Variants in CLVS1 observed in about 807,000 individuals in gnomAD.
The protein encoded by CLVS1 is clavesin 1.
CLVS1 carries 10 observed loss-of-function variants against 33.1 expected under a neutral mutation model. The observed-to-expected ratio is 0.30, with a 90% CI of 0.19 to 0.51. CLVS1 has a LOEUF of 0.51. Among genes scored for constraint, CLVS1 ranks in the 20% least tolerant of loss-of-function variants. The probability of loss-of-function intolerance (pLI) is 0.97; values close to 1 mark genes in which losing one functional copy is unlikely to be tolerated. For synonymous variants in CLVS1, 163 were observed against 166.1 expected (o/e 0.98, Z 0.14); for missense variants, 343 against 433.4 (o/e 0.79, Z 1.85).
chr8:61,117,983 C>A (rs968853046), intron 1 of CLVS1, among the ~76,000 whole-genome samples: 1 of 152,198 alleles, frequency 6.6e-6, no homozygotes, highest in African/African-American at 2.4e-5. Flanking sequence ...TAGACTTCGG[C>A]TGTGAATCCA....
chr8:61,456,163 A>G (rs548880728), intron 4 of CLVS1, among the ~76,000 whole-genome samples: 1 of 152,288 alleles, frequency 6.6e-6, no homozygotes, highest in Non-Finnish European at 1.5e-5. Flanking sequence ...CTTTGGGCAC[A>G]GGATAGATTC....
chr8:61,188,934 A>C (rs1016968414), intron 2 of CLVS1, among the ~76,000 whole-genome samples: 2 of 152,156 alleles, frequency 1.3e-5, no homozygotes, highest in African/African-American at 2.4e-5. Flanking sequence ...GATAAATTAC[A>C]TTTGCAGAAT....
chr8:61,359,973 G>A (rs550106034), intron 2 of CLVS1, among the ~76,000 whole-genome samples: 36 of 152,190 alleles, frequency 2.4e-4, no homozygotes, highest in Non-Finnish European at 4.0e-4. Context: ...ACCTGCTATC[G>A]GCATGGCCCT....
At chr8:61,297,349 G>A (rs1585765435) in intron 1 of CLVS1, among the ~76,000 whole-genome samples, 2 of 152,266 alleles carry the variant, frequency 1.3e-5, no homozygotes, top group African/African-American at 4.8e-5. Flanking sequence ...AAACAGATGA[G>A]TAGTGATGCA....
chr8:61,215,768 A>G (rs1249085616), intron 2 of CLVS1, among the ~76,000 whole-genome samples: 1 of 150,860 alleles, frequency 6.6e-6, no homozygotes, highest in East Asian at 1.9e-4. Flanking sequence ...TAAAGGTTTC[A>G]AAGTCACTGC....
intron 2 of CLVS1, among the ~76,000 whole-genome samples, chr8:61,145,847 T>C (rs1431014849): frequency 6.6e-6 from 1 of 152,170 alleles, no homozygotes; most frequent in Non-Finnish European, 1.5e-5. Flanking sequence ...TCTCCATGCA[T>C]TTGATCTCAT....
chr8:61,380,639 A>G (rs1326045123), intron 3 of CLVS1, among the ~76,000 whole-genome samples: 1 of 152,194 alleles, frequency 6.6e-6, no homozygotes, highest in Non-Finnish European at 1.5e-5. Context: ...TATAAAGTCT[A>G]AAAGAGCCGT....
At chr8:61,194,592 A>G (rs1464595694) in intron 2 of CLVS1, among the ~76,000 whole-genome samples, 1 of 152,016 alleles carries the variant, frequency 6.6e-6, no homozygotes, top group East Asian at 1.9e-4. Context: ...GGAAATAGAT[A>G]AATAAATATC....
chr8:61,444,045 A>G (rs1816666417), intron 3 of CLVS1, among the ~76,000 whole-genome samples: 1 of 152,170 alleles, frequency 6.6e-6, no homozygotes, highest in Admixed American at 6.5e-5. Context: ...TTGTTGGTAT[A>G]GAGAAATATA....
chr8:61,151,727 G>A (rs1187753347), intron 2 of CLVS1, among the ~76,000 whole-genome samples: 2 of 152,196 alleles, frequency 1.3e-5, no homozygotes, highest in Non-Finnish European at 2.9e-5. Flanking sequence ...TTCACCCAGG[G>A]CCTTGCACAG....
At chr8:61,461,495 G>A (rs1817363925) in intron 5 of CLVS1, among the ~76,000 whole-genome samples, 1 of 152,016 alleles carries the variant, frequency 6.6e-6, no homozygotes, top group South Asian at 2.1e-4. Context: ...GTTTATTTTG[G>A]TACAAAAATT....
chr8:61,255,573 C>G (rs1441330002), intron 2 of CLVS1, among the ~76,000 whole-genome samples: 1 of 152,134 alleles, frequency 6.6e-6, no homozygotes, highest in Non-Finnish European at 1.5e-5. Context: ...GTTATTCTAT[C>G]TCCTTTATGA....
chr8:61,261,975 CGTGTGTGTGTGTGTGTGTGTGT>C (rs57278209), intron 2 of CLVS1, among the ~76,000 whole-genome samples: 5 of 110,964 alleles, frequency 4.5e-5, no homozygotes, highest in African/African-American at 1.0e-4. Flanking sequence ...CTCATTGCTG[CGTGTGTGTGTGTGTGTGTGTGT>C]GTGTGTGTGT....
chr8:61,286,673 G>T (rs576062633), upstream of CLVS1, among the ~76,000 whole-genome samples: 1 of 152,212 alleles, frequency 6.6e-6, no homozygotes, highest in East Asian at 1.9e-4. Flanking sequence ...ATAATACTAT[G>T]TTAGAGTTGG....
At chr8:61,047,881 A>G in the CLVS1 span, among the ~76,000 whole-genome samples, 1 of 152,160 alleles carries the variant, frequency 6.6e-6, no homozygotes, top group Non-Finnish European at 1.5e-5. Context: ...AGCATGGCAC[A>G]TGTATACATA....
At chr8:61,243,560 A>G (rs1385019581) in intron 2 of CLVS1, among the ~76,000 whole-genome samples, 1 of 152,228 alleles carries the variant, frequency 6.6e-6, no homozygotes, top group Non-Finnish European at 1.5e-5. Context: ...AGCCAGAAAC[A>G]TGAGTAACTT....
chr8:61,255,805 C>T (rs557932160), intron 2 of CLVS1, among the ~76,000 whole-genome samples: 45 of 152,196 alleles, frequency 3.0e-4, no homozygotes, highest in Admixed American at 1.4e-3. Flanking sequence ...AAGAAGTAGG[C>T]CTTACTGAAT....
chr8:61,492,676 T>A lies in CLVS1; in HGVS notation c.978-6779T>A, dbSNP rs189532933. ...ACTCTAAAAATAGTTTGCTTCAAAA[T>A]AATAGAATATTTATTTTTTTGGACT... is the stretch of plus-strand genomic sequence containing the variant. On this transcript the variant is annotated intron_variant, in intron 5 of 5. Transcript: ENST00000325897. 2.3e-3 allele frequency among the ~76,000 whole-genome samples: 349 copies of A among 152,324 alleles called. 2 individuals carry two copies. Among genetic ancestry groups the A allele is most frequent in the African/African-American group, 7.9e-3 (328 of 41,578 alleles).
rs183898050 is a variant in CLVS1 at position 61,081,491 on chromosome 8, G to T, written c.-243+24261G>T. ...GATGGCCCCACCTCTGACTGATTCA[G>T]TTAGGGAGGATTGCTGCAGGATTTT... On this transcript the variant is annotated intron_variant, in intron 1 of 2. Coordinates refer to the CLVS1 transcript ENST00000522621. Among the ~76,000 whole-genome samples the T allele has an allele frequency of 1.1e-3, 173 of 152,320 alleles. 1 individual carries two copies. The highest frequency in any genetic ancestry group is 4.0e-3 in the African/African-American group (168 of 41,568).
Sources: allele counts gnomAD v4.1 joint callset (sites outside exome capture counted in the v4.1 genomes callset), GRCh38; gene constraint gnomAD v4.1.1; transcripts MANE v1.5; gene names NCBI Gene and HGNC (gene_info 2026-07-23, HGNC 2026-07-21).